Variants in TVP23C observed in about 807,000 individuals in gnomAD.
TVP23C encodes trans-golgi network vesicle protein 23 homolog C, also known as Golgi apparatus membrane protein TVP23 homolog C.
TVP23C carries 19 observed loss-of-function variants against 28.7 expected under a neutral mutation model. That is an observed-to-expected ratio of 0.66 (90% CI 0.46 to 0.97). The LOEUF (loss-of-function observed/expected upper bound fraction) is 0.97, where lower values mean the gene tolerates loss of function less well. TVP23C is among the 50% of genes least tolerant of loss of function. The pLI, the probability that TVP23C is intolerant of heterozygous loss-of-function variation, is 0.00. For synonymous variants in TVP23C, 68 were observed against 81.7 expected (o/e 0.83, Z 0.90); for missense variants, 186 against 241.3 (o/e 0.77, Z 1.52).
At chr17:15,510,073 A>C (rs1441853989) in intron 5 of TVP23C, among the ~76,000 whole-genome samples, 1 of 152,210 alleles carries the variant, frequency 6.6e-6, no homozygotes, top group African/African-American at 2.4e-5. Context: ...GCTACTTAGA[A>C]TGAATGACAT....
At chr17:15,554,015 C>T (rs1337830566) in intron 2 of TVP23C, among the ~76,000 whole-genome samples, 186 bp from the exon 3 acceptor site, 2 of 152,150 alleles carry the variant, frequency 1.3e-5, no homozygotes, top group African/African-American at 4.8e-5. Context: ...TTTGACTAGG[C>T]CCTATAGTGA....
intron 3 of TVP23C, among the ~76,000 whole-genome samples, chr17:15,551,352 C>T (rs1046577223): frequency 2.8e-4 from 42 of 151,528 alleles, no homozygotes; most frequent in Non-Finnish European, 4.9e-4. Flanking sequence ...ATGATCCACC[C>T]GCCTCAGCCT....
At chr17:15,515,402 G>A (rs775680537) in intron 5 of TVP23C, among the ~76,000 whole-genome samples, 32 of 152,294 alleles carry the variant, frequency 2.1e-4, no homozygotes, top group Middle Eastern at 3.4e-3. Context: ...AAGCACCCAT[G>A]TGAACCAGGC....
chr17:15,528,609 GTTTT>G (rs1487277041), intron 5 of TVP23C, among the ~76,000 whole-genome samples: 1 of 151,576 alleles, frequency 6.6e-6, no homozygotes, highest in South Asian at 2.1e-4. Flanking sequence ...TGTCTGTTGG[GTTTT>G]TTTGTTTGTT....
chr17:15,523,424 C>T (rs1468520575), intron 5 of TVP23C, among the ~76,000 whole-genome samples: 1 of 152,090 alleles, frequency 6.6e-6, no homozygotes, highest in African/African-American at 2.4e-5. Flanking sequence ...GATTCTCCCG[C>T]CTCAGCCTCC....
downstream of TVP23C, among the ~76,000 whole-genome samples, chr17:15,535,780 T>C (rs797004782): frequency 1.6e-4 from 25 of 152,306 alleles, no homozygotes; most frequent in African/African-American, 5.8e-4. Flanking sequence ...ATGGAAATAA[T>C]CATGGATAAT....
intron 1 of TVP23C, chr17:15,563,114 G>C (rs1349401662): frequency 2.3e-6 from 1 of 428,550 alleles, no homozygotes; most frequent in Non-Finnish European, 4.2e-6. Context: ...GAAGCTAAGA[G>C]GCCCGCAGGC....
rs1443861261 is a variant in TVP23C at position 15,543,683 on chromosome 17, A to AT, written c.462+2101dup. Among the ~76,000 whole-genome samples, 3 of 150,408 alleles carry AT rather than the reference A, an allele frequency of 2.0e-5. 1 individual carries two copies. The Admixed American group carries it at 2.0e-4, about 10-fold the overall frequency. On this transcript the variant is annotated intron_variant, in intron 5 of 5. Coordinates refer to ENST00000518321, the MANE Select transcript of TVP23C (RefSeq NM_001135036.2). The stretch of plus-strand genomic sequence containing the variant: ...ATCATTAACTAACATCCCCTACTGT[A>AT]TTTTTTACTGTTTATCTACCTTCCA...
chr17:15,514,467 A>G (rs1982138042), intron 5 of TVP23C, among the ~76,000 whole-genome samples: 1 of 152,238 alleles, frequency 6.6e-6, no homozygotes, highest in South Asian at 2.1e-4. Context: ...AAGCGTGTGC[A>G]TGCTCTGGCA....
chr17:15,523,411 A>G (rs1440496602), intron 5 of TVP23C, among the ~76,000 whole-genome samples: 1 of 150,962 alleles, frequency 6.6e-6, no homozygotes, highest in African/African-American at 2.4e-5. Context: ...CCCAGGTTCA[A>G]GCGATTCTCC....
At chr17:15,526,913 C>T (rs1982752749) in intron 5 of TVP23C, among the ~76,000 whole-genome samples, 1 of 152,186 alleles carries the variant, frequency 6.6e-6, no homozygotes, top group Admixed American at 6.5e-5. Flanking sequence ...GTTACCGGCT[C>T]ATAAACTTAT....
chr17:15,520,202 C>CT (rs1226359032), intron 5 of TVP23C, among the ~76,000 whole-genome samples: 2 of 151,426 alleles, frequency 1.3e-5, no homozygotes, highest in Non-Finnish European at 2.9e-5. Flanking sequence ...GTCCTAAACT[C>CT]TGTCTTTCAG....
intron 3 of TVP23C, among the ~76,000 whole-genome samples, chr17:15,550,729 G>A (rs1406631790): frequency 6.6e-6 from 1 of 152,010 alleles, no homozygotes; most frequent in African/African-American, 2.4e-5. Flanking sequence ...TTCTTACTCT[G>A]ATCCATATCT....
Position 15,537,797 on chromosome 17 carries a change from T to C in TVP23C, c.*2615A>G. The C allele has an allele frequency of 9.0e-7, 1 of 1,110,556 alleles. No individual in the cohort carries two copies. The highest frequency in any genetic ancestry group is 1.1e-6 in the Non-Finnish European group (1 of 911,086). 68.8% of individuals were successfully genotyped at this position (1,110,556 alleles called of 1,614,324 possible). A position where few individuals can be genotyped will look rare whatever the true frequency, so the allele number is the denominator to read the frequency against. On this transcript the variant is annotated 3_prime_UTR_variant, in exon 6 of 6. Coordinates refer to ENST00000518321, the MANE Select transcript of TVP23C (RefSeq NM_001135036.2). ...TGTTCTATGGATCAAAATGCAAAGG[T>C]CTCCATTATCTGTGTAAATGAACAC...
intron 5 of TVP23C, among the ~76,000 whole-genome samples, chr17:15,519,796 G>C (rs915981000): frequency 2.6e-5 from 4 of 152,114 alleles, no homozygotes; most frequent in African/African-American, 4.8e-5. Flanking sequence ...CAGCTACTTG[G>C]GAGGCTGAGG....
chr17:15,514,234 A>G (rs1982127900), intron 5 of TVP23C, among the ~76,000 whole-genome samples: 1 of 152,184 alleles, frequency 6.6e-6, no homozygotes, highest in South Asian at 2.1e-4. Context: ...GCTGGGACAT[A>G]ACAAAATACC....
At chr17:15,505,941 A>T (rs1981713479) in intron 5 of TVP23C, among the ~76,000 whole-genome samples, 1 of 152,198 alleles carries the variant, frequency 6.6e-6, no homozygotes, top group Non-Finnish European at 1.5e-5. Context: ...AGGGCTCGGG[A>T]CCTGCAGCCC....
In TVP23C at chr17:15,538,241, T is replaced by G; in HGVS notation, c.*2171A>C. 1 of 1,602,660 alleles carries G rather than the reference T, an allele frequency of 6.2e-7. No individual in the cohort carries two copies. The highest frequency in any genetic ancestry group is 2.2e-5 in the East Asian group (1 of 44,734). Reference sequence around the variant, plus strand: ...TTGGGGCCTAGGCCTAGGAAAACATTCTATATTTCTAAGCAGAGCATTACC... The same window carrying G: ...TTGGGGCCTAGGCCTAGGAAAACATGCTATATTTCTAAGCAGAGCATTACC... On this transcript the variant is annotated 3_prime_UTR_variant, in exon 6 of 6. Coordinates refer to ENST00000518321, the MANE Select transcript of TVP23C (RefSeq NM_001135036.2).
At chr17:15,503,359 C>G (rs760388946) in intron 5 of TVP23C, 96 of 1,136,454 alleles carry the variant, frequency 8.4e-5, no homozygotes, top group Non-Finnish European at 1.1e-4. Context: ...GAGCTGTGAC[C>G]ACGCCACTGC....
Sources: allele counts gnomAD v4.1 joint callset (sites outside exome capture counted in the v4.1 genomes callset), GRCh38; gene constraint gnomAD v4.1.1; transcripts MANE v1.5; gene names NCBI Gene and HGNC (gene_info 2026-07-23, HGNC 2026-07-21).